Variants in PTPRS observed in about 807,000 individuals in gnomAD.
PTPRS encodes receptor-type tyrosine-protein phosphatase S.
Under a neutral mutation model 215.3 loss-of-function variants are expected in PTPRS, and 63 were observed. The ratio of observed to expected loss-of-function variants is 0.29; its 90% CI spans 0.24 to 0.36. The LOEUF (loss-of-function observed/expected upper bound fraction) is 0.36, where lower values mean the gene tolerates loss of function less well. Among genes scored for constraint, PTPRS ranks in the 10% least tolerant of loss-of-function variants. The pLI is 1.00. For missense variants in PTPRS, 2,258 were observed against 2,825.8 expected (o/e 0.80, Z 4.56); for synonymous variants, 1,404 against 1,191.4 (o/e 1.18, Z -3.68).
rs371104647 is a variant in PTPRS, at chr19:5,258,004, C to A, written c.706+13G>T. ...CGGGTCCCTGCCTTTGACCTGGACG[C>A]GGCGTTCCCTACCTCGCACGTAGAG... is the stretch of plus-strand genomic sequence containing the variant. On this transcript the variant is annotated intron_variant, in intron 8 of 37. Transcript: ENST00000262963. 13 of 1,609,028 alleles carry A rather than the reference C, an allele frequency of 8.1e-6. No individual in the cohort carries two copies. Among genetic ancestry groups the A allele is most frequent in the African/African-American group, 2.7e-5 (2 of 74,970 alleles).
rs565659743 is a variant in PTPRS at position 5,235,325 on chromosome 19, G to T, written c.1849+3594C>A. On this transcript the variant is annotated intron_variant, in intron 13 of 37. Transcript: ENST00000262963. The stretch of plus-strand genomic sequence containing the variant: ...GATAACTGTAACAGCACCTGGCACC[G>T]TGTGCCAGGCATTGCACTCAATACC... 1.2e-4 allele frequency among the ~76,000 whole-genome samples: 18 copies of T among 152,202 alleles called. No individual in the cohort carries two copies. The East Asian group carries it at 3.3e-3, about 28-fold the overall frequency.
At chr19:5,279,634 G>T (rs2047683070) in intron 2 of PTPRS, among the ~76,000 whole-genome samples, 1 of 152,094 alleles carries the variant, frequency 6.6e-6, no homozygotes, top group Admixed American at 6.6e-5. Context: ...GTCTCCCAAA[G>T]CTCTGGGATT....
chr19:5,229,587 G>A lies in PTPRS; in HGVS notation c.2253C>T (p.Gly751=). The A allele has an allele frequency of 7.0e-7, 1 of 1,435,532 alleles. No homozygotes were observed. Among genetic ancestry groups the A allele is most frequent in the Non-Finnish European group, 9.1e-7 (1 of 1,094,814 alleles). 88.9% of individuals were successfully genotyped at this position (1,435,532 alleles called of 1,614,324 possible). A position where few individuals can be genotyped will look rare whatever the true frequency, so the allele number is the denominator to read the frequency against. ...AGTGGACCTGGTAGCCGCGGATCTG[G>A]CCGTGCTGCCGGCCGGGCGCGGGCG... is the stretch of plus-strand genomic sequence containing the variant. ...WRSPAPGRQH[G]QIRGYQVHYV... is the part of the protein sequence containing the mutation. Residue 751 remains glycine, a synonymous_variant, in exon 15 of 38, where the codon GGC becomes GGT. Coordinates refer to ENST00000262963, the MANE Select transcript of PTPRS (RefSeq NM_002850.4).
At chr19:5,219,057 C>G (rs1287797831) in intron 23 of PTPRS, 1 of 638,386 alleles carries the variant, frequency 1.6e-6, no homozygotes, top group Non-Finnish European at 2.7e-6. Context: ...ACACAGGCAG[C>G]CTCTACCCCA....
chr19:5,234,942 T>C (rs913209883), intron 13 of PTPRS, among the ~76,000 whole-genome samples: 3 of 143,262 alleles, frequency 2.1e-5, no homozygotes, highest in Admixed American at 2.0e-4. Context: ...TTTCTTTCTT[T>C]CTTTTTTTTT....
chr19:5,241,038 C>T (rs1171207785), intron 11 of PTPRS, among the ~76,000 whole-genome samples: 1 of 150,338 alleles, frequency 6.7e-6, no homozygotes, highest in East Asian at 2.1e-4. Flanking sequence ...TACAGGCACC[C>T]GCCACCACGC....
intron 9 of PTPRS, among the ~76,000 whole-genome samples, chr19:5,252,534 G>A (rs987793565): frequency 3.4e-4 from 46 of 137,298 alleles, no homozygotes; most frequent in African/African-American, 1.1e-3. Flanking sequence ...CCGAGATTGC[G>A]CCACTGTACT....
chr19:5,247,600 C>G (rs770886687), intron 9 of PTPRS, among the ~76,000 whole-genome samples: 13 of 152,140 alleles, frequency 8.5e-5, no homozygotes, highest in Non-Finnish European at 1.9e-4. Flanking sequence ...TTCAACTGCA[C>G]AGATGACGGA....
At chr19:5,265,319 C>T in intron 4 of PTPRS, 123 bp from the exon 5 acceptor site, 1 of 828,804 alleles carries the variant, frequency 1.2e-6, no homozygotes, top group Non-Finnish European at 1.9e-6. Context: ...TGACCTCAGC[C>T]ATGGGTGCCA....
At chr19:5,331,087 C>T (rs1383847444) in intron 1 of PTPRS, among the ~76,000 whole-genome samples, 2 of 144,924 alleles carry the variant, frequency 1.4e-5, no homozygotes, top group Non-Finnish European at 3.0e-5. Context: ...TGATTTCTCT[C>T]GCTGTCTTGG....
At chr19:5,269,195 C>A (rs114117834) in intron 4 of PTPRS, among the ~76,000 whole-genome samples, 1 of 152,086 alleles carries the variant, frequency 6.6e-6, no homozygotes, top group Non-Finnish European at 1.5e-5. Flanking sequence ...CCCGTGCCCA[C>A]GTGTCCACAC....
At chr19:5,272,452 G>T (rs1012947844) in intron 4 of PTPRS, among the ~76,000 whole-genome samples, 26 of 151,740 alleles carry the variant, frequency 1.7e-4, no homozygotes, top group African/African-American at 5.8e-4. Flanking sequence ...ACAAAAATTA[G>T]CTGGGCGTGG....
chr19:5,239,618 G>C (rs1568453319), intron 12 of PTPRS, among the ~76,000 whole-genome samples: 1 of 151,592 alleles, frequency 6.6e-6, no homozygotes, highest in African/African-American at 2.4e-5. Context: ...ACAGGGGAGA[G>C]AGACAGACAG....
At chr19:5,233,852 A>G (rs1410672289) in intron 13 of PTPRS, among the ~76,000 whole-genome samples, 1 of 145,732 alleles carries the variant, frequency 6.9e-6, no homozygotes, top group Non-Finnish European at 1.5e-5. Flanking sequence ...AGGCTGAGGC[A>G]GGAGAATCAC....
At chr19:5,272,679 C>T (rs1050235977) in intron 4 of PTPRS, among the ~76,000 whole-genome samples, 3 of 146,806 alleles carry the variant, frequency 2.0e-5, no homozygotes, top group Non-Finnish European at 3.0e-5. Flanking sequence ...ACTGCAGGCC[C>T]GTGTGAATGT....
Position 5,210,541 on chromosome 19 carries a change from A to G in PTPRS, c.5415T>C (p.Phe1805=), listed in dbSNP as rs1457463554. 4 of 1,614,040 alleles carry G rather than the reference A, an allele frequency of 2.5e-6. No homozygotes were observed. The African/African-American group carries it at 4.0e-5, about 16-fold the overall frequency. Residue 1805 remains phenylalanine (F), a synonymous_variant, in exon 35 of 38, where the codon TTT becomes TTC. Transcript: ENST00000262963. The surrounding 1 kb of genome is among the most constrained non-coding windows in gnomAD (Gnocchi z 4.5). ...TGTATTCTGCCATCGGATCTACCAC[A>G]AAGTACTGGTAGCGGGCAGAGCGCT... is the stretch of plus-strand genomic sequence containing the variant. ...PAERSARYQY[F]VVDPMAEYNM...
chr19:5,251,291 C>G (rs1286213332), intron 9 of PTPRS, among the ~76,000 whole-genome samples: 1 of 152,090 alleles, frequency 6.6e-6, no homozygotes, highest in Non-Finnish European at 1.5e-5. Context: ...CCTCTCCCCC[C>G]CACCGCCAGC....
At chr19:5,255,650 G>A (rs1202149594) in intron 9 of PTPRS, among the ~76,000 whole-genome samples, 4 of 151,740 alleles carry the variant, frequency 2.6e-5, no homozygotes, top group East Asian at 1.9e-4. Flanking sequence ...AACAGAAGAC[G>A]AGAAACACTC....
Position 5,220,078 on chromosome 19 carries a change from A to C in PTPRS, c.3626T>G (p.Ile1209Ser). The C allele has an allele frequency of 6.2e-7, 1 of 1,614,006 alleles. No individual in the cohort carries two copies. Among genetic ancestry groups the C allele is most frequent in the Non-Finnish European group, 8.5e-7 (1 of 1,180,022 alleles). ...TGGCAGCACAGAGAAGCGAGCTGCA[A>C]TATAGGGCCGGGGCACCTCCAGCTG... ...SRQLEVPRPYIAARFSVLPPT... is the reference protein window; with the variant it reads ...SRQLEVPRPYSAARFSVLPPT... The change falls in exon 22 of 38, where the codon ATT (isoleucine) becomes AGT (serine). Residue 1209 changes from isoleucine (I) to serine (S), a missense_variant. Physicochemically the swap from Ile to Ser is moderately radical, Grantham distance 142 (BLOSUM62 -2). Transcript: ENST00000262963.
Sources: allele counts gnomAD v4.1 joint callset (sites outside exome capture counted in the v4.1 genomes callset), GRCh38; gene constraint gnomAD v4.1.1; non-coding constraint Gnocchi (gnomAD v3.1); transcripts MANE v1.5; gene names NCBI Gene and HGNC (gene_info 2026-07-23, HGNC 2026-07-21).